FAAP100: variants seen among roughly 807,000 people sequenced by gnomAD.
The protein encoded by FAAP100 is Fanconi anemia core complex-associated protein 100.
FAAP100 carries 46 observed loss-of-function variants against 65.8 expected under a neutral mutation model. The observed-to-expected ratio is 0.70, with a 90% confidence interval of 0.55 to 0.89. The LOEUF is 0.89. Among genes scored for constraint, FAAP100 ranks in the 40% least tolerant of loss-of-function variants. FAAP100 has a pLI of 0.00. For synonymous variants in FAAP100, 663 were observed against 555.1 expected (o/e 1.19, Z -2.73); for missense variants, 1,165 against 1,196.7 (o/e 0.97, Z 0.39).
chr17:81,550,921 G>T lies in FAAP100; in HGVS notation c.573C>A (p.Pro191=). 6.2e-7 allele frequency: 1 copy of T among 1,612,406 alleles called. No homozygotes were observed. Among genetic ancestry groups the T allele is most frequent in the East Asian group, 2.2e-5 (1 of 44,872 alleles). The change falls in exon 3 of 9, where the codon CCC becomes CCA. Residue 191 remains proline, a synonymous_variant. Transcript: ENST00000327787. ...CAGAGCACAGCACTGGAAGGAAGTG[G>T]GGGGCTGCAGGCTTTCCTGGGACCC... The part of the protein sequence containing the change: ...PAGVPGKPAA[P]HFLPVLCSVS...
rs1034968403 is a variant in FAAP100, at chr17:81,540,209, C to T, written c.*610G>A. On this transcript the variant is annotated 3_prime_UTR_variant, in exon 9 of 9. Transcript: ENST00000327787. Reference sequence around the variant, plus strand: ...CCGCTGGCCCTTCCTTGGTGTGGCACGAGACCACGGGCACTTGCAGGAGCT... The same window carrying T: ...CCGCTGGCCCTTCCTTGGTGTGGCATGAGACCACGGGCACTTGCAGGAGCT... 5 of 399,038 alleles carry T rather than the reference C, an allele frequency of 1.3e-5. No individual in the cohort carries two copies. The highest frequency in any genetic ancestry group is 2.2e-5 in the Non-Finnish European group (5 of 226,202). The allele number at this position is 399,038 out of a possible 1,614,324, so 24.7% of individuals were successfully genotyped here. A position where few individuals can be genotyped will look rare whatever the true frequency, so the allele number is the denominator to read the frequency against.
intron 4 of FAAP100, chr17:81,548,108 G>A (rs2033375905): frequency 3.2e-6 from 2 of 616,960 alleles, no homozygotes; most frequent in East Asian, 2.7e-5. Flanking sequence ...AACCAGGGGG[G>A]TCGCAGGCGC....
Position 81,547,008 on chromosome 17 carries a change from C to T in FAAP100, c.2074G>A (p.Gly692Arg), listed in dbSNP as rs746922770. 4 of 1,534,508 alleles carry T rather than the reference C, an allele frequency of 2.6e-6. No individual in the cohort carries two copies. The South Asian group carries it at 4.9e-5, about 19-fold the overall frequency. The part of the protein sequence containing the change: ...TCREPGSQPA[G>R]PASLRAEYLP... Reference sequence around the variant, plus strand: ...TACTCGGCCCGCAGGGAGGCGGGTCCTGCTGGCTGGCTGCCAGGCTCCCGA... The same window carrying T: ...TACTCGGCCCGCAGGGAGGCGGGTCTTGCTGGCTGGCTGCCAGGCTCCCGA... The change falls in exon 5 of 9, where the codon GGA (glycine) becomes AGA (arginine). Residue 692 changes from glycine (G) to arginine (R), a missense_variant. Physicochemically the swap from Gly to Arg is moderately radical, Grantham distance 125. Coordinates refer to ENST00000327787, the MANE Select transcript of FAAP100 (RefSeq NM_025161.6).
rs1388387476 is a variant in FAAP100, at chr17:81,540,959, G to A, written c.2515-9C>T. 3.8e-6 allele frequency: 6 copies of A among 1,574,060 alleles called. No individual in the cohort carries two copies. The highest frequency in any genetic ancestry group is 2.3e-5 in the South Asian group (2 of 87,358). On this transcript the variant is annotated splice_polypyrimidine_tract_variant and intron_variant, in intron 8 of 8. Transcript: ENST00000327787. The stretch of plus-strand genomic sequence containing the variant: ...ACCTCCCGCAGCAGTGTCTGCAGGT[G>A]AAGCAGACACAGCTCAGGCCCCCCA...
chr17:81,549,133 G>A (rs1244412537), intron 4 of FAAP100, 73 bp downstream of exon 4: 10 of 1,509,170 alleles, frequency 6.6e-6, no homozygotes, highest in Admixed American at 1.9e-5. Flanking sequence ...CACCCAGGAC[G>A]ACCCCACACA....
At position 81,543,992 on chromosome 17, in the gene FAAP100, G is replaced by A. The variant is rs201427006; in HGVS notation, c.2427+12C>T. On this transcript the variant is annotated intron_variant, in intron 7 of 8. Coordinates refer to ENST00000327787, the MANE Select transcript of FAAP100 (RefSeq NM_025161.6). ...ACAGATCCTGGCCACCTTCCCCAGCGGGCCGACATACCTGCATGCGCCCGA... is the reference window on the plus strand; with the variant it reads ...ACAGATCCTGGCCACCTTCCCCAGCAGGCCGACATACCTGCATGCGCCCGA... 218 of 1,602,816 alleles carry A rather than the reference G, an allele frequency of 1.4e-4. No homozygotes were observed. The highest frequency in any genetic ancestry group is 1.7e-4 in the Non-Finnish European group (205 of 1,172,624).
chr17:81,543,230 C>T (rs906167935), intron 7 of FAAP100, among the ~76,000 whole-genome samples: 4 of 152,184 alleles, frequency 2.6e-5, no homozygotes, highest in East Asian at 3.9e-4. Flanking sequence ...GTCAAGCTGG[C>T]GTCAGGCTGC....
At chr17:81,541,021 A>C (rs1598587715) in intron 8 of FAAP100, 71 bp from the exon 9 acceptor site, 2 of 1,476,398 alleles carry the variant, frequency 1.4e-6, no homozygotes. Context: ...CCTCTGGGGG[A>C]CCCACCACTC....
Position 81,547,201 on chromosome 17 carries a change from G to A in FAAP100, c.1881C>T (p.Cys627=). ...SDSEDPFLDE[C]PSDVLPEQEG... Reference sequence around the variant, plus strand: ...CTTGCTCGGGCAGGACGTCGGAGGGGCACTCATCCAGAAAGGGGTCCTCAG... The same window carrying A: ...CTTGCTCGGGCAGGACGTCGGAGGGACACTCATCCAGAAAGGGGTCCTCAG... The change falls in exon 5 of 9, where the codon TGC becomes TGT. Residue 627 remains cysteine (C), a synonymous_variant. Coordinates refer to ENST00000327787, the MANE Select transcript of FAAP100 (RefSeq NM_025161.6). 6.4e-6 allele frequency: 10 copies of A among 1,563,204 alleles called. No homozygotes were observed. Among genetic ancestry groups the A allele is most frequent in the Non-Finnish European group, 8.7e-6 (10 of 1,152,152 alleles).
rs867120775 is a variant in FAAP100 at position 81,550,915 on chromosome 17, G to A, written c.579C>T (p.Phe193=). 6.2e-7 allele frequency: 1 copy of A among 1,612,554 alleles called. No individual in the cohort carries two copies. The highest frequency in any genetic ancestry group is 2.2e-5 in the East Asian group (1 of 44,880). ...GTGACACAGAGCACAGCACTGGAAG[G>A]AAGTGGGGGGCTGCAGGCTTTCCTG... is the stretch of plus-strand genomic sequence containing the variant. ...GVPGKPAAPH[F]LPVLCSVSPS... The change falls in exon 3 of 9, where the codon TTC becomes TTT. Residue 193 remains phenylalanine (F), a synonymous_variant. Coordinates refer to ENST00000327787, the MANE Select transcript of FAAP100 (RefSeq NM_025161.6).
Position 81,547,435 on chromosome 17 carries a change from G to T in FAAP100, c.1647C>A (p.Thr549=), listed in dbSNP as rs1327164431. Residue 549 remains threonine, a synonymous_variant, in exon 5 of 9, where the codon ACC becomes ACA. Coordinates refer to ENST00000327787, the MANE Select transcript of FAAP100 (RefSeq NM_025161.6). ...QGWTLCIQVL[T]SSCALDLDSA... is the part of the protein sequence containing the mutation. The stretch of plus-strand genomic sequence containing the variant: ...AGTCCAGGTCGAGAGCACAGGAGCT[G>T]GTGAGCACCTGGATGCACAGGGTCC... The T allele has an allele frequency of 6.2e-7, 1 of 1,612,902 alleles. No individual in the cohort carries two copies. The highest frequency in any genetic ancestry group is 2.2e-5 in the East Asian group (1 of 44,902).
intron 6 of FAAP100, among the ~76,000 whole-genome samples, chr17:81,544,337 C>T (rs570353611): frequency 6.6e-6 from 1 of 152,242 alleles, no homozygotes; most frequent in Non-Finnish European, 1.5e-5. Flanking sequence ...ATGGCAAGAA[C>T]CTGCTCTGTA....
intron 6 of FAAP100, 59 bp downstream of exon 6, chr17:81,545,686 CA>C: frequency 1.9e-6 from 3 of 1,558,984 alleles, no homozygotes; most frequent in Non-Finnish European, 2.6e-6. Context: ...AGCTCCGGCC[CA>C]GGGGCCCCAC....
intron 7 of FAAP100, 51 bp from the exon 8 acceptor site, chr17:81,541,446 C>A: frequency 6.7e-7 from 1 of 1,497,506 alleles, no homozygotes; most frequent in Non-Finnish European, 9.2e-7. Context: ...GCACCTGCCC[C>A]CACACCCCTT....
At position 81,541,375 on chromosome 17, in the gene FAAP100, G is replaced by A. The variant is rs753809355; in HGVS notation, c.2448C>T (p.Ala816=). The A allele has an allele frequency of 8.4e-5, 136 of 1,609,996 alleles. No individual in the cohort carries two copies. The highest frequency in any genetic ancestry group is 5.2e-4 in the Admixed American group (31 of 59,962). Residue 816 remains alanine (A), a synonymous_variant, in exon 8 of 9, where the codon GCC becomes GCT. Coordinates refer to ENST00000327787, the MANE Select transcript of FAAP100 (RefSeq NM_025161.6). ...GRMQTMVTEQ[A]TQGSSAPDLR... is the part of the protein sequence containing the mutation. The stretch of plus-strand genomic sequence containing the variant: ...GATCAGGAGCGCTGGAGCCCTGGGT[G>A]GCCTGCTCTGTCACCATCGTCTGGG...
chr17:81,547,304 T>C lies in FAAP100; in HGVS notation c.1778A>G (p.Asp593Gly). Reference protein sequence around the residue: ...PLGPGENGGLDLPVTVSCTLF... With the variant: ...PLGPGENGGLGLPVTVSCTLF... ...CGTGCAGGACACGGTCACGGGCAGG[T>C]CGAGCCCGCCGTTCTCACCAGGGCC... The change falls in exon 5 of 9, where the codon GAC (aspartate) becomes GGC (glycine). Residue 593 changes from aspartate to glycine, a missense_variant. By Grantham distance (94) the Asp-to-Gly change is moderately conservative. Coordinates refer to ENST00000327787, the MANE Select transcript of FAAP100 (RefSeq NM_025161.6). 6.2e-7 allele frequency: 1 copy of C among 1,612,054 alleles called. No individual in the cohort carries two copies.
Position 81,547,198 on chromosome 17 carries a change from G to A in FAAP100, c.1884C>T (p.Pro628=), listed in dbSNP as rs747520005. The A allele has an allele frequency of 1.3e-6, 2 of 1,562,166 alleles. No homozygotes were observed. The highest frequency in any genetic ancestry group is 4.5e-5 in the East Asian group (2 of 44,384). ...CCTCTTGCTCGGGCAGGACGTCGGA[G>A]GGGCACTCATCCAGAAAGGGGTCCT... ...DSEDPFLDEC[P]SDVLPEQEGV... Residue 628 remains proline, a synonymous_variant, in exon 5 of 9, where the codon CCC becomes CCT. Transcript: ENST00000327787.
In FAAP100 at chr17:81,540,838, G is replaced by A; in HGVS notation, c.2627C>T (p.Pro876Leu). 1.3e-6 allele frequency: 2 copies of A among 1,538,770 alleles called. No individual in the cohort carries two copies. The highest frequency in any genetic ancestry group is 1.7e-6 in the Non-Finnish European group (2 of 1,144,788). ...LLQVYRQLRH[P>L]SLILL Reference sequence around the variant, plus strand: ...GCCTGGTCACAGCAGGATGAGGCTGGGGTGGCGCAGCTGCCGGTACACCTG... The same window carrying A: ...GCCTGGTCACAGCAGGATGAGGCTGAGGTGGCGCAGCTGCCGGTACACCTG... Residue 876 changes from proline to leucine, a missense_variant, in exon 9 of 9, where the codon CCC becomes CTC. Physicochemically the swap from Pro to Leu is moderately conservative, Grantham distance 98 (BLOSUM62 -3). Transcript: ENST00000327787.
chr17:81,549,590 G>A (rs2033422055), intron 3 of FAAP100, among the ~76,000 whole-genome samples: 2 of 152,246 alleles, frequency 1.3e-5, no homozygotes, highest in Non-Finnish European at 2.9e-5. Context: ...CTCTTCCGCA[G>A]TGGAGACAGT....
Sources: gnomAD v4.1 joint callset for allele counts (sites outside exome capture counted in the v4.1 genomes callset) on GRCh38, gnomAD v4.1.1 for gene constraint, MANE v1.5 for transcripts, NCBI Gene and HGNC (gene_info 2026-07-23, HGNC 2026-07-21) for gene names.